The following POM121C variants were observed in gnomAD, a reference collection of about 807,000 sequenced individuals.
POM121C encodes the protein POM121 transmembrane nucleoporin C, also known as nuclear envelope pore membrane protein POM 121C.
POM121C carries 20 observed loss-of-function variants against 66.4 expected under a neutral mutation model. That is an observed-to-expected ratio of 0.30 (90% CI 0.21 to 0.44). POM121C has a LOEUF of 0.44. POM121C is among the 20% of genes least tolerant of loss of function. The probability of loss-of-function intolerance (pLI) is 1.00; values close to 1 mark genes in which losing one functional copy is unlikely to be tolerated. For missense variants in POM121C, 580 were observed against 1,225.7 expected (o/e 0.47, Z 7.87); for synonymous variants, 286 against 528.0 (o/e 0.54, Z 6.28).
At chr7:75,455,906 A>T in intron 3 of POM121C, among the ~76,000 whole-genome samples, 1 of 152,116 alleles carries the variant, frequency 6.6e-6, no homozygotes. Context: ...CATGGCGAGC[A>T]CTCACTAAAG....
At chr7:75,427,636 G>C (rs1490667924) in intron 7 of POM121C, among the ~76,000 whole-genome samples, 2 of 151,602 alleles carry the variant, frequency 1.3e-5, no homozygotes. Flanking sequence ...GGCACAGAGC[G>C]GACACTGCAA....
At chr7:75,473,670 T>TTTTG (rs1476952860) in intron 3 of POM121C, among the ~76,000 whole-genome samples, 1 of 151,980 alleles carries the variant, frequency 6.6e-6, no homozygotes, top group South Asian at 2.1e-4. Flanking sequence ...CAAGGTTTTT[T>TTTTG]TTTGTTTGTT....
chr7:75,485,011 C>T (rs1296255374), intron 1 of POM121C, among the ~76,000 whole-genome samples: 1 of 151,608 alleles, frequency 6.6e-6, no homozygotes, highest in African/African-American at 2.4e-5. Context: ...GCATGCCTGG[C>T]GACTTTTGTA....
At chr7:75,448,889 A>G (rs1790927010) in intron 3 of POM121C, among the ~76,000 whole-genome samples, 1 of 150,094 alleles carries the variant, frequency 6.7e-6, no homozygotes, top group South Asian at 2.1e-4. Flanking sequence ...ATCAAGAAAA[A>G]GGCAACTTAA....
rs587726109 is a variant in POM121C, at chr7:75,463,530, C to T, written c.-152+11174G>A. ...AAAACACTAGTTGAACACAAGCTAA[C>T]GGCAGAGAGACTTTCAGAGACCGCA... is the stretch of plus-strand genomic sequence containing the variant. On this transcript the variant is annotated intron_variant, in intron 3 of 14. Coordinates refer to ENST00000615331, the MANE Select transcript of POM121C (RefSeq NM_001099415.3). Among the ~76,000 whole-genome samples the T allele has an allele frequency of 3.5e-4, 53 of 149,432 alleles. No homozygotes were observed. The South Asian group carries it at 3.8e-3, about 11-fold the overall frequency.
intron 7 of POM121C, among the ~76,000 whole-genome samples, chr7:75,431,650 C>T (rs1437952107): frequency 6.7e-6 from 1 of 149,092 alleles, no homozygotes; most frequent in Non-Finnish European, 1.5e-5. Context: ...GAAACACTCC[C>T]TTTAATACAT....
rs375550 is a variant in POM121C, at chr7:75,419,914, T to G, written c.2744-472A>C. 6.2e-3 allele frequency: 991 copies of G among 159,096 alleles called. 6 individuals carry two copies. Among genetic ancestry groups the G allele is most frequent in the African/African-American group, 0.014 (573 of 41,016 alleles). 9.9% of individuals were successfully genotyped at this position (159,096 alleles called of 1,614,324 possible). A position where few individuals can be genotyped will look rare whatever the true frequency, so the allele number is the denominator to read the frequency against. ...TGACTGGCTCTGGCTGCCTGCCCGATGCCCTCTCTGGCAGCCCCTCTGCAG... is the reference window on the plus strand; with the variant it reads ...TGACTGGCTCTGGCTGCCTGCCCGAGGCCCTCTCTGGCAGCCCCTCTGCAG... On this transcript the variant is annotated intron_variant, in intron 13 of 14. Coordinates refer to ENST00000615331, the MANE Select transcript of POM121C (RefSeq NM_001099415.3).
chr7:75,456,517 C>G (rs1490479832), intron 3 of POM121C, among the ~76,000 whole-genome samples: 9 of 152,118 alleles, frequency 5.9e-5, no homozygotes, highest in African/African-American at 1.2e-4. Context: ...CCCCAGTGAA[C>G]AGACGAAATG....
At position 75,486,084 on chromosome 7, in the gene POM121C, A is replaced by G. The variant is rs1792533095; in HGVS notation, c.-678T>C. 1.0e-5 allele frequency: 4 copies of G among 382,566 alleles called. No individual in the cohort carries two copies. Among genetic ancestry groups the G allele is most frequent in the South Asian group, 7.5e-5 (4 of 53,356 alleles). The allele number at this position is 382,566 out of a possible 1,614,324, so 23.7% of individuals were successfully genotyped here. A position where few individuals can be genotyped will look rare whatever the true frequency, so the allele number is the denominator to read the frequency against. ...TGGGGCTCCCGGCCCCTCTGGCCCC[A>G]GCGCCGCCGGCTCCGGGGTTCACGC... On this transcript the variant is annotated 5_prime_UTR_variant, in exon 1 of 15. Transcript: ENST00000615331.
Position 75,441,090 on chromosome 7 carries a change from G to C in POM121C, c.91C>G (p.Leu31Val), listed in dbSNP as rs1790627540. ...AIPEQIISST[L>V]SSPSSNAPDP... ...GGGGCATTACTTGATGGTGACGACA[G>C]TGTTGAGCTGATTATCTGCTCTGGT... The change falls in exon 5 of 15, where the codon CTG becomes GTG. Residue 31 changes from leucine (L) to valine (V), a missense_variant. Physicochemically the swap from Leu to Val is conservative, Grantham distance 32. Coordinates refer to ENST00000615331, the MANE Select transcript of POM121C (RefSeq NM_001099415.3). 1 of 1,613,958 alleles carries C rather than the reference G, an allele frequency of 6.2e-7. No homozygotes were observed. Among genetic ancestry groups the C allele is most frequent in the African/African-American group, 1.3e-5 (1 of 75,024 alleles).
chr7:75,481,283 T>C (rs189989390), intron 1 of POM121C, among the ~76,000 whole-genome samples: 80 of 151,406 alleles, frequency 5.3e-4, no homozygotes, highest in African/African-American at 1.9e-3. Flanking sequence ...TTTGCTATCA[T>C]ATATATCAAA....
At chr7:75,434,582 CTT>C (rs34484961) in intron 7 of POM121C, among the ~76,000 whole-genome samples, 1,167 of 98,934 alleles carry the variant, frequency 0.012, 11 homozygotes, top group African/African-American at 0.035. Flanking sequence ...GCTCAGCTAG[CTT>C]TTTTTTTTTT....
chr7:75,465,502 C>A (rs1237371164), intron 3 of POM121C, among the ~76,000 whole-genome samples: 2 of 151,632 alleles, frequency 1.3e-5, no homozygotes, highest in African/African-American at 4.8e-5. Context: ...CACCTGTAAT[C>A]CCAGCACTTT....
At chr7:75,456,578 G>A (rs3873786) in intron 3 of POM121C, among the ~76,000 whole-genome samples, 2 of 152,366 alleles carry the variant, frequency 1.3e-5, no homozygotes, top group East Asian at 1.9e-4. Flanking sequence ...AGGCACAGTG[G>A]CTGCGGTGCA....
intron 3 of POM121C, among the ~76,000 whole-genome samples, chr7:75,473,611 T>C (rs1584713079): frequency 6.6e-6 from 1 of 152,064 alleles, no homozygotes; most frequent in South Asian, 2.1e-4. Flanking sequence ...GAGGTTTTGG[T>C]ATCTGAATGC....
intron 3 of POM121C, among the ~76,000 whole-genome samples, chr7:75,469,134 C>CTGTT (rs1172219256): frequency 3.3e-5 from 5 of 150,370 alleles, no homozygotes; most frequent in Non-Finnish European, 5.9e-5. Context: ...GGGTCTTGCT[C>CTGTT]TGTTGCCCAG....
chr7:75,484,001 C>T (rs1455346296), intron 1 of POM121C, among the ~76,000 whole-genome samples: 1 of 151,932 alleles, frequency 6.6e-6, no homozygotes, highest in African/African-American at 2.4e-5. Flanking sequence ...ACTCAGGAGG[C>T]TGAGGCAGGA....
At chr7:75,454,686 T>A (rs1467972443) in intron 3 of POM121C, among the ~76,000 whole-genome samples, 1 of 152,228 alleles carries the variant, frequency 6.6e-6, no homozygotes, top group Non-Finnish European at 1.5e-5. Flanking sequence ...CTTATCCAGA[T>A]AAAGTAAAGG....
chr7:75,420,707 C>T (rs385495), intron 13 of POM121C: 20,153 of 151,890 alleles, frequency 0.13, 1,476 homozygotes, highest in Non-Finnish European at 0.16. Flanking sequence ...ATCTTCCACA[C>T]GGGAGGAACC....
Sources: gnomAD v4.1 joint callset for allele counts (sites outside exome capture counted in the v4.1 genomes callset) on GRCh38, gnomAD v4.1.1 for gene constraint, MANE v1.5 for transcripts, NCBI Gene and HGNC (gene_info 2026-07-23, HGNC 2026-07-21) for gene names.